Variants in PRR5L observed in about 807,000 individuals in gnomAD.
The protein encoded by PRR5L is proline-rich protein 5-like.
Under a neutral mutation model 36.4 loss-of-function variants are expected in PRR5L, and 21 were observed. The observed-to-expected ratio is 0.58, with a 90% CI of 0.41 to 0.83. The LOEUF is 0.83. Ranked by LOEUF, PRR5L falls within the 40% of genes least tolerant of loss-of-function variation. PRR5L has a pLI of 0.00. For missense variants in PRR5L, 381 were observed against 473.3 expected (o/e 0.80, Z 1.81); for synonymous variants, 188 against 197.0 (o/e 0.95, Z 0.38).
Position 36,462,379 on chromosome 11 carries a change from C to T in PRR5L, c.750C>T (p.Val250=). ...RHSRVRPKVT[V]LNYASPITAV... is the part of the protein sequence containing the mutation. ...CCAGGGTCCGGCCCAAGGTGACTGTCCTGAACTATGCCTCCCCGATAACCG... is the reference window on the plus strand; with the variant it reads ...CCAGGGTCCGGCCCAAGGTGACTGTTCTGAACTATGCCTCCCCGATAACCG... Residue 250 remains valine, a synonymous_variant, in exon 9 of 9, where the codon GTC becomes GTT. Coordinates refer to ENST00000530639, the MANE Select transcript of PRR5L (RefSeq NM_001160167.2). The T allele has an allele frequency of 6.5e-7, 1 of 1,547,240 alleles. No homozygotes were observed. Among genetic ancestry groups the T allele is most frequent in the Non-Finnish European group, 8.7e-7 (1 of 1,144,596 alleles).
intron 3 of PRR5L, among the ~76,000 whole-genome samples, chr11:36,405,756 A>G (rs1268989527): frequency 1.3e-5 from 2 of 152,202 alleles, no homozygotes; most frequent in Non-Finnish European, 2.9e-5. Context: ...GAGGCTGGGA[A>G]GTCCAAGATC....
At chr11:36,357,265 T>C (rs1857037754) in intron 1 of PRR5L, among the ~76,000 whole-genome samples, 1 of 152,218 alleles carries the variant, frequency 6.6e-6, no homozygotes, top group Non-Finnish European at 1.5e-5. Flanking sequence ...GGTTGGTTCA[T>C]GAGGTTTAAG....
rs1321163181 is a variant in PRR5L, at chr11:36,351,342, A to ATATATTTATAAATATTTATATATATTTAT, written c.-125-49655_-125-49654insTATATTTATAAATATTTATATATATTTAT. Among the ~76,000 whole-genome samples, 10 of 42,704 alleles carry ATATATTTATAAATATTTATATATATTTAT rather than the reference A, an allele frequency of 2.3e-4. 1 individual carries two copies. The highest frequency in any genetic ancestry group is 8.0e-4 in the African/African-American group (10 of 12,470). The allele number at this position is 42,704 out of a possible 152,430, so 28.0% of individuals were successfully genotyped here. A position where few individuals can be genotyped will look rare whatever the true frequency, so the allele number is the denominator to read the frequency against. ...TTTATAAATATTTATATATATTTAT[A>ATATATTTATAAATATTTATATATATTTAT]ATATATAATAAATATATATAAATAT... On this transcript the variant is annotated intron_variant, in intron 1 of 8. Transcript: ENST00000530639.
intron 1 of PRR5L, among the ~76,000 whole-genome samples, chr11:36,351,161 A>AATATATATTTATAAATATATATAT (rs1856937487): frequency 2.9e-4 from 12 of 41,568 alleles, no homozygotes; most frequent in East Asian, 9.3e-4. Flanking sequence ...AATATATATA[A>AATATATATTTATAAATATATATAT]TTTATATATA....
In PRR5L at chr11:36,341,255, C is replaced by T. The variant is rs547366740; in HGVS notation, c.-126+44817C>T. Among the ~76,000 whole-genome samples the T allele has an allele frequency of 3.8e-4, 58 of 152,182 alleles. No homozygotes were observed. The South Asian group carries it at 8.3e-3, about 22-fold the overall frequency. On this transcript the variant is annotated intron_variant, in intron 1 of 8. Transcript: ENST00000530639. ...GGGGCAGGGTTACTTGCCTGGCAGCCATGGGAAAGTGAGCCCTCTATACGC... is the reference window on the plus strand; with the variant it reads ...GGGGCAGGGTTACTTGCCTGGCAGCTATGGGAAAGTGAGCCCTCTATACGC...
intron 1 of PRR5L, among the ~76,000 whole-genome samples, chr11:36,359,820 G>A (rs1293569597): frequency 6.6e-6 from 1 of 152,146 alleles, no homozygotes; most frequent in Admixed American, 6.5e-5. Flanking sequence ...CGAGGTGGGT[G>A]GATCACCTGA....
In PRR5L at chr11:36,462,400, A is replaced by T; in HGVS notation, c.771A>T (p.Ile257=). The T allele has an allele frequency of 1.9e-6, 3 of 1,562,950 alleles. No homozygotes were observed. In the South Asian group the frequency reaches 3.6e-5, roughly 19 times the overall value. ...KVTVLNYASP[I]TAVSRPLNEM... is the part of the protein sequence containing the mutation. ...CTGTCCTGAACTATGCCTCCCCGAT[A>T]ACCGCAGTCAGCCGGCCACTGAATG... Residue 257 remains isoleucine, a synonymous_variant, in exon 9 of 9, where the codon ATA becomes ATT. Transcript: ENST00000530639.
intron 6 of PRR5L, among the ~76,000 whole-genome samples, chr11:36,440,131 C>A (rs1198800038): frequency 6.6e-6 from 1 of 152,044 alleles, no homozygotes; most frequent in Non-Finnish European, 1.5e-5. Flanking sequence ...CCATACCCTC[C>A]CTTAAAAGTA....
chr11:36,374,109 T>TCC (rs1857228603), intron 1 of PRR5L, among the ~76,000 whole-genome samples: 2 of 74,164 alleles, frequency 2.7e-5, no homozygotes, highest in Admixed American at 2.6e-4. Flanking sequence ...TTCCTTCCTC[T>TCC]CTCTCTCTCT....
At chr11:36,375,218 A>G (rs901633345) in intron 1 of PRR5L, among the ~76,000 whole-genome samples, 2 of 142,672 alleles carry the variant, frequency 1.4e-5, no homozygotes, top group African/African-American at 5.2e-5. Flanking sequence ...CCTGGATGAC[A>G]GAGGGGAAAC....
At chr11:36,419,130 A>T in intron 3 of PRR5L, 125 bp from the exon 4 acceptor site, 1 of 796,448 alleles carries the variant, frequency 1.3e-6, no homozygotes, top group Non-Finnish European at 2.2e-6. Context: ...GGGGACCAGG[A>T]CCTAAGAAAG....
chr11:36,386,806 A>C (rs1331394084), intron 1 of PRR5L, among the ~76,000 whole-genome samples: 1 of 152,212 alleles, frequency 6.6e-6, no homozygotes, highest in Non-Finnish European at 1.5e-5. Flanking sequence ...TTAGAGTAGA[A>C]ATTAACTGAG....
At chr11:36,333,092 AT>A (rs1856735383) in intron 1 of PRR5L, among the ~76,000 whole-genome samples, 1 of 152,224 alleles carries the variant, frequency 6.6e-6, no homozygotes, top group African/African-American at 2.4e-5. Context: ...ATTCAATAGA[AT>A]TTAGCTTTGG....
chr11:36,457,558 T>A (rs331468), intron 8 of PRR5L, among the ~76,000 whole-genome samples: 151,003 of 151,606 alleles, frequency 1, 75,207 homozygotes, highest in East Asian at 1. Context: ...GTGAGCCAAG[T>A]TCGCGCCACT....
chr11:36,324,199 C>G (rs1856638837), intron 1 of PRR5L, among the ~76,000 whole-genome samples: 1 of 152,098 alleles, frequency 6.6e-6, no homozygotes, highest in Admixed American at 6.5e-5. Flanking sequence ...TAATTAAATT[C>G]TATACAGTTA....
At chr11:36,429,049 AT>A (rs1858439660) in intron 4 of PRR5L, among the ~76,000 whole-genome samples, 1 of 152,198 alleles carries the variant, frequency 6.6e-6, no homozygotes, top group Non-Finnish European at 1.5e-5. Context: ...TTGAAAATAT[AT>A]AAAAAAGATT....
intron 1 of PRR5L, among the ~76,000 whole-genome samples, chr11:36,313,782 C>T (rs1259606197): frequency 6.6e-6 from 1 of 152,190 alleles, no homozygotes; most frequent in Non-Finnish European, 1.5e-5. Flanking sequence ...ATAGAGTTTG[C>T]CCATGGTCAA....
intron 4 of PRR5L, among the ~76,000 whole-genome samples, chr11:36,428,827 A>G (rs1020219619): frequency 3.3e-5 from 5 of 152,126 alleles, no homozygotes; most frequent in African/African-American, 1.2e-4. Context: ...TCTACTAAAT[A>G]TCATCAAAAT....
intron 1 of PRR5L, among the ~76,000 whole-genome samples, chr11:36,326,983 A>G (rs1856671185): frequency 6.6e-6 from 1 of 152,190 alleles, no homozygotes; most frequent in African/African-American, 2.4e-5. Context: ...AGTGGAGTGG[A>G]AAAATGACTT....
Sources: gnomAD v4.1 joint callset for allele counts (sites outside exome capture counted in the v4.1 genomes callset) on GRCh38, gnomAD v4.1.1 for gene constraint, MANE v1.5 for transcripts, NCBI Gene and HGNC (gene_info 2026-07-23, HGNC 2026-07-21) for gene names.